FOXN1: variants seen among roughly 807,000 people sequenced by gnomAD.
FOXN1 encodes the protein forkhead box protein N1.
FOXN1 carries 15 observed loss-of-function variants against 49.0 expected under a neutral mutation model. That is an observed-to-expected ratio of 0.31 (90% CI 0.20 to 0.47). The LOEUF (loss-of-function observed/expected upper bound fraction) is 0.47. Ranked by LOEUF, FOXN1 falls within the 20% of genes least tolerant of loss-of-function variation. FOXN1 has a pLI of 1.00. For synonymous variants in FOXN1, 356 were observed against 369.0 expected, an observed-to-expected ratio of 0.96 and a Z score of 0.40; for missense variants, 800 against 842.8, an observed-to-expected ratio of 0.95 and a Z score of 0.63.
At chr17:28,536,714 A>C (rs886994815) in intron 8 of FOXN1, among the ~76,000 whole-genome samples, 2 of 152,050 alleles carry the variant, frequency 1.3e-5, no homozygotes, top group African/African-American at 4.8e-5. Flanking sequence ...CCATCCCATT[A>C]GGTCCAGAGT....
chr17:28,516,682 C>T (rs531234902), intron 1 of FOXN1, among the ~76,000 whole-genome samples: 44 of 150,086 alleles, frequency 2.9e-4, no homozygotes, highest in Admixed American at 1.9e-3. Flanking sequence ...CATACCATCA[C>T]GGGGTACACG....
chr17:28,536,296 CAT>C (rs1386620067), intron 8 of FOXN1, among the ~76,000 whole-genome samples: 2 of 152,218 alleles, frequency 1.3e-5, no homozygotes, highest in African/African-American at 4.8e-5. Context: ...AAGCTATAGA[CAT>C]GTGGGATACG....
chr17:28,523,153 G>GCCCT (rs2069676394), intron 1 of FOXN1, among the ~76,000 whole-genome samples: 1 of 152,184 alleles, frequency 6.6e-6, no homozygotes, highest in Non-Finnish European at 1.5e-5. Flanking sequence ...AGCAGAAAAA[G>GCCCT]CCCTCCGATA....
At chr17:28,526,382 TG>T (rs1365500715) in intron 3 of FOXN1, among the ~76,000 whole-genome samples, 1 of 152,220 alleles carries the variant, frequency 6.6e-6, no homozygotes, top group East Asian at 1.9e-4. Context: ...GCCCAGATGC[TG>T]GTTTCCCAAG....
rs1303003907 is a variant in FOXN1, at chr17:28,538,211, C to T, written c.*775C>T. The stretch of plus-strand genomic sequence containing the variant: ...ATTCCGAAGCAGTGTTTGGAAAAGC[C>T]CTTGCCCTCGGAAACTTGAACATGT... On this transcript the variant is annotated 3_prime_UTR_variant, in exon 9 of 9. Coordinates refer to ENST00000579795, the MANE Select transcript of FOXN1 (RefSeq NM_001369369.1). 1 of 152,192 alleles carries T rather than the reference C, an allele frequency of 6.6e-6. No individual in the cohort carries two copies. The highest frequency in any genetic ancestry group is 1.5e-5 in the Non-Finnish European group (1 of 68,064). The allele number at this position is 152,192 out of a possible 1,614,324, so 9.4% of individuals were successfully genotyped here.
chr17:28,512,618 G>A (rs782268032), intron 1 of FOXN1, among the ~76,000 whole-genome samples: 1 of 152,212 alleles, frequency 6.6e-6, no homozygotes, highest in Non-Finnish European at 1.5e-5. Context: ...CCTGGGGAAG[G>A]TGGAGGTGGG....
chr17:28,512,502 G>A lies in FOXN1; in HGVS notation c.-15+6059G>A, dbSNP rs76658879. Among the ~76,000 whole-genome samples the A allele has an allele frequency of 4.4e-3, 664 of 152,366 alleles. 4 individuals carry two copies. The highest frequency in any genetic ancestry group is 0.016 in the African/African-American group (646 of 41,582). ...CTTCAAAAAATCCCTGGGAATAGGT[G>A]AGCACCGTGGCATGCACTTTTAGTC... On this transcript the variant is annotated intron_variant, in intron 1 of 8. Coordinates refer to ENST00000579795, the MANE Select transcript of FOXN1 (RefSeq NM_001369369.1).
intron 1 of FOXN1, among the ~76,000 whole-genome samples, chr17:28,512,432 C>G (rs184795790): frequency 1.1e-3 from 174 of 152,350 alleles, no homozygotes; most frequent in Non-Finnish European, 1.8e-3. Context: ...TGTCCACCTC[C>G]AAGTCCTAGG....
At chr17:28,525,126 G>A (rs1464392838) in intron 3 of FOXN1, among the ~76,000 whole-genome samples, 159 bp downstream of exon 3, 1 of 152,116 alleles carries the variant, frequency 6.6e-6, no homozygotes, top group African/African-American at 2.4e-5. Context: ...CTGGGGAGGG[G>A]TGTTGGCCTG....
At chr17:28,517,168 C>G in intron 1 of FOXN1, among the ~76,000 whole-genome samples, 1 of 138,896 alleles carries the variant, frequency 7.2e-6, no homozygotes, top group Non-Finnish European at 1.6e-5. Flanking sequence ...AGGATCCACA[C>G]CTCCACAGGG....
In FOXN1 at chr17:28,527,224, C is replaced by T. The variant is rs2069791279; in HGVS notation, c.589-27C>T. The T allele has an allele frequency of 6.1e-6, 9 of 1,465,624 alleles. No individual in the cohort carries two copies. In the East Asian group the frequency reaches 2.0e-4, roughly 33 times the overall value. The allele number at this position is 1,465,624 out of a possible 1,614,324, so 90.8% of individuals were successfully genotyped here. On this transcript the variant is annotated intron_variant, in intron 3 of 8. Coordinates refer to ENST00000579795, the MANE Select transcript of FOXN1 (RefSeq NM_001369369.1). ...AGGAAGGGAGAAAATAAGGCCTAATCTAGTCATCTGCTTTCTCTTCCAGCA... is the reference window on the plus strand; with the variant it reads ...AGGAAGGGAGAAAATAAGGCCTAATTTAGTCATCTGCTTTCTCTTCCAGCA...
At chr17:28,536,985 C>A (rs1056404506) in intron 8 of FOXN1, 132 bp from the exon 9 acceptor site, 8 of 758,690 alleles carry the variant, frequency 1.1e-5, no homozygotes, top group Non-Finnish European at 1.9e-5. Context: ...AAGCTAGTGC[C>A]AGGCTCTGTT....
Position 28,527,381 on chromosome 17 carries a change from G to T in FOXN1, c.699+20G>T. ...CACCAGGTGGGTCTGGGGCAAGTGG[G>T]CCTGCTTCCCCCAGGTCTGAGGATA... On this transcript the variant is annotated intron_variant, in intron 4 of 8. Transcript: ENST00000579795. The T allele has an allele frequency of 7.0e-7, 1 of 1,421,642 alleles. No homozygotes were observed. Among genetic ancestry groups the T allele is most frequent in the Non-Finnish European group, 9.9e-7 (1 of 1,007,302 alleles). 88.1% of individuals were successfully genotyped at this position (1,421,642 alleles called of 1,614,324 possible). A position where few individuals can be genotyped will look rare whatever the true frequency, so the allele number is the denominator to read the frequency against.
chr17:28,521,110 C>T (rs1051675747), intron 1 of FOXN1, among the ~76,000 whole-genome samples: 1 of 152,224 alleles, frequency 6.6e-6, no homozygotes, highest in Non-Finnish European at 1.5e-5. Context: ...CACGATGACC[C>T]TGCGAGGTGG....
intron 1 of FOXN1, 103 bp from the exon 2 acceptor site, chr17:28,523,853 C>A (rs2069697712): frequency 1.0e-6 from 1 of 969,960 alleles, no homozygotes; most frequent in Non-Finnish European, 1.7e-6. Context: ...TGACTGGAGG[C>A]AGGGTCCCAG....
At chr17:28,514,632 A>C (rs973890403) in intron 1 of FOXN1, among the ~76,000 whole-genome samples, 3 of 150,788 alleles carry the variant, frequency 2.0e-5, no homozygotes, top group Non-Finnish European at 3.0e-5. Flanking sequence ...GCTACAGGCC[A>C]GCACCCGGCC....
intron 1 of FOXN1, among the ~76,000 whole-genome samples, chr17:28,511,512 T>C (rs553300522): frequency 4.6e-5 from 7 of 152,062 alleles, no homozygotes; most frequent in Admixed American, 1.3e-4. Context: ...GGTAAAAAGA[T>C]CTCACTCAGC....
chr17:28,536,988 G>T (rs542277490), intron 8 of FOXN1, 129 bp from the exon 9 acceptor site: 6 of 771,852 alleles, frequency 7.8e-6, no homozygotes, highest in Admixed American at 7.7e-5. Flanking sequence ...CTAGTGCCAG[G>T]CTCTGTTCCC....
Position 28,530,061 on chromosome 17 carries a change from C to T in FOXN1, c.831-688C>T, listed in dbSNP as rs117076916. Among the ~76,000 whole-genome samples, 70 of 150,290 alleles carry T rather than the reference C, an allele frequency of 4.7e-4. No homozygotes were observed. The East Asian group carries it at 0.012, about 27-fold the overall frequency. On this transcript the variant is annotated intron_variant, in intron 5 of 8. Coordinates refer to ENST00000579795, the MANE Select transcript of FOXN1 (RefSeq NM_001369369.1). ...GGGTTGGGGGCAAGGGGAGGGACAA[C>T]GTTAGGAGAAATATCTAATGTAGAT...
Sources: allele counts gnomAD v4.1 joint callset (sites outside exome capture counted in the v4.1 genomes callset), GRCh38; gene constraint gnomAD v4.1.1; transcripts MANE v1.5; gene names NCBI Gene and HGNC (gene_info 2026-07-23, HGNC 2026-07-21).